The following DTNA variants were observed in gnomAD, a reference collection of about 807,000 sequenced individuals.
DTNA encodes the protein dystrophin-related protein 3.
A neutral mutation model predicts 100.7 loss-of-function variants in DTNA; 43 were observed. That is an observed-to-expected ratio of 0.43 (90% confidence interval 0.33 to 0.55). The LOEUF (loss-of-function observed/expected upper bound fraction) is 0.55. Ranked by LOEUF, DTNA falls within the 20% of genes least tolerant of loss-of-function variation. The pLI, the probability that DTNA is intolerant of heterozygous loss-of-function variation, is 0.04. For missense variants in DTNA, 798 were observed against 953.9 expected, an observed-to-expected ratio of 0.84 and a Z score of 2.15; for synonymous variants, 349 against 347.9, an observed-to-expected ratio of 1.00 and a Z score of -0.04.
chr18:34,713,992 TATTTA>T (rs1452482057), intron 1 of DTNA, among the ~76,000 whole-genome samples: 3 of 152,062 alleles, frequency 2.0e-5, no homozygotes, highest in South Asian at 2.1e-4. Context: ...AAGGATTCCC[TATTTA>T]ATAAATGGTG....
At chr18:34,695,574 G>A (rs990633658) in intron 1 of DTNA, among the ~76,000 whole-genome samples, 3 of 152,150 alleles carry the variant, frequency 2.0e-5, no homozygotes, top group African/African-American at 7.2e-5. Flanking sequence ...TTTCAGCTGG[G>A]TCACCCAAGC....
chr18:34,521,438 A>C (rs1054499423), intron 1 of DTNA, among the ~76,000 whole-genome samples: 1 of 152,200 alleles, frequency 6.6e-6, no homozygotes, highest in African/African-American at 2.4e-5. Context: ...ATCATGCAAA[A>C]GTATAAATCA....
chr18:34,808,922 A>G (rs2095426287), intron 5 of DTNA, among the ~76,000 whole-genome samples: 1 of 152,148 alleles, frequency 6.6e-6, no homozygotes, highest in African/African-American at 2.4e-5. Flanking sequence ...CGCATTCCCC[A>G]CTTTGAGAGC....
At chr18:34,733,648 G>A (rs2088851655) in intron 1 of DTNA, among the ~76,000 whole-genome samples, 1 of 152,176 alleles carries the variant, frequency 6.6e-6, no homozygotes, top group South Asian at 2.1e-4. Context: ...AGATGCAGGT[G>A]CTGCCCTCAC....
chr18:34,729,982 G>T (rs1478097831), intron 1 of DTNA, among the ~76,000 whole-genome samples: 1 of 151,858 alleles, frequency 6.6e-6, no homozygotes, highest in Non-Finnish European at 1.5e-5. Flanking sequence ...GCTGTTTCTT[G>T]TCCTTGGTTC....
chr18:34,787,234 C>T (rs1171254071), intron 3 of DTNA, among the ~76,000 whole-genome samples: 2 of 152,196 alleles, frequency 1.3e-5, no homozygotes. Flanking sequence ...CAGCTGCAAG[C>T]CCTTTGAAAA....
At chr18:34,754,555 TG>T (rs930671285) in intron 1 of DTNA, among the ~76,000 whole-genome samples, 178 of 152,290 alleles carry the variant, frequency 1.2e-3, no homozygotes, top group African/African-American at 4.0e-3. Flanking sequence ...TTGATCACTG[TG>T]GGGCACTCAA....
At chr18:34,833,673 A>G (rs1417754907) in intron 11 of DTNA, among the ~76,000 whole-genome samples, 1 of 152,228 alleles carries the variant, frequency 6.6e-6, no homozygotes, top group Non-Finnish European at 1.5e-5. Flanking sequence ...GTGCTCATAC[A>G]GTGGCAAGGG....
chr18:34,729,553 T>G (rs55665924), intron 1 of DTNA, among the ~76,000 whole-genome samples: 12,366 of 152,170 alleles, frequency 0.081, 588 homozygotes, highest in African/African-American at 0.11. Context: ...TGAGGTAAAA[T>G]GTTGTATATT....
intron 1 of DTNA, among the ~76,000 whole-genome samples, chr18:34,647,541 T>G (rs919489602): frequency 1.8e-4 from 28 of 152,344 alleles, no homozygotes; most frequent in African/African-American, 6.5e-4. Context: ...GTAGTAGAGC[T>G]GCGTGCCAGG....
At chr18:34,562,792 G>A (rs1016490692) in intron 1 of DTNA, among the ~76,000 whole-genome samples, 1 of 152,120 alleles carries the variant, frequency 6.6e-6, no homozygotes, top group Non-Finnish European at 1.5e-5. Flanking sequence ...AAAGTTAGAG[G>A]ACTACTGATT....
intron 1 of DTNA, among the ~76,000 whole-genome samples, chr18:34,678,061 C>T (rs191806357): frequency 3.2e-4 from 48 of 152,148 alleles, no homozygotes; most frequent in Non-Finnish European, 5.3e-4. Context: ...AGAGAAGTGC[C>T]GAGCAAAGGG....
intron 2 of DTNA, among the ~76,000 whole-genome samples, chr18:34,760,529 C>T (rs1193755884): frequency 4.6e-5 from 7 of 152,204 alleles, no homozygotes; most frequent in African/African-American, 1.2e-4. Context: ...TCCAGCCTTG[C>T]CTACTTGTTT....
At chr18:34,627,667 G>T (rs1031721518) in intron 1 of DTNA, among the ~76,000 whole-genome samples, 1 of 152,072 alleles carries the variant, frequency 6.6e-6, no homozygotes, top group African/African-American at 2.4e-5. Flanking sequence ...TTTGTCCTTT[G>T]CCTCTCTTGG....
intron 1 of DTNA, among the ~76,000 whole-genome samples, chr18:34,583,514 TA>T (rs527805671): frequency 1.9e-4 from 29 of 150,258 alleles, no homozygotes; most frequent in African/African-American, 6.6e-4. Flanking sequence ...TAATGACAAC[TA>T]AAAAAAGAAT....
At chr18:34,583,605 A>C (rs987783660) in intron 1 of DTNA, among the ~76,000 whole-genome samples, 8 of 151,898 alleles carry the variant, frequency 5.3e-5, no homozygotes, top group Admixed American at 6.6e-5. Context: ...TTTTTAATGG[A>C]AATGGAATGA....
At chr18:34,666,726 G>A (rs1437207903) in intron 1 of DTNA, among the ~76,000 whole-genome samples, 1 of 152,042 alleles carries the variant, frequency 6.6e-6, no homozygotes, top group East Asian at 1.9e-4. Flanking sequence ...AAGATCAGAT[G>A]GTTGTAGATG....
At chr18:34,729,632 C>T (rs1227013844) in intron 1 of DTNA, among the ~76,000 whole-genome samples, 1 of 152,098 alleles carries the variant, frequency 6.6e-6, no homozygotes, top group East Asian at 1.9e-4. Flanking sequence ...ATTTTTAAAA[C>T]TTCTGAAGGA....
chr18:34,693,195 C>T (rs1272409198), intron 1 of DTNA, among the ~76,000 whole-genome samples: 3 of 152,102 alleles, frequency 2.0e-5, no homozygotes, highest in Admixed American at 2.0e-4. Flanking sequence ...ACATATATTG[C>T]ACATCTTCTA....
Sources: gnomAD v4.1 joint callset for allele counts (sites outside exome capture counted in the v4.1 genomes callset) on GRCh38, gnomAD v4.1.1 for gene constraint, MANE v1.5 for transcripts, NCBI Gene and HGNC (gene_info 2026-07-23, HGNC 2026-07-21) for gene names.